The following HEATR5A variants were observed in gnomAD, a reference collection of about 807,000 sequenced individuals.
HEATR5A encodes the protein HEAT repeat-containing protein 5A.
In HEATR5A, 178 loss-of-function variants were observed where a neutral mutation model predicts 218.8. That is an observed-to-expected ratio of 0.81 (90% CI 0.72 to 0.92). HEATR5A has a LOEUF of 0.92. Among genes scored for constraint, HEATR5A ranks in the 40% least tolerant of loss-of-function variants. The probability of loss-of-function intolerance (pLI) is 0.00; values close to 1 mark genes in which losing one functional copy is unlikely to be tolerated. For synonymous variants in HEATR5A, 864 were observed against 871.6 expected (o/e 0.99, Z 0.15); for missense variants, 2,420 against 2,418.9 (o/e 1.00, Z -0.01).
intron 1 of HEATR5A, among the ~76,000 whole-genome samples, chr14:31,408,140 T>C (rs11626263): frequency 0.95 from 144,984 of 152,268 alleles, 69,378 homozygotes; most frequent in Non-Finnish European, 1. Flanking sequence ...TCAGTCATCA[T>C]TTTCATACCA....
rs748267580 is a variant in HEATR5A, at chr14:31,293,464, AAC to A, written c.5980_5981del (p.Val1994PhefsTer2). The A allele has an allele frequency of 2.5e-6, 4 of 1,614,022 alleles. No homozygotes were observed. The Admixed American group carries it at 6.7e-5, about 27-fold the overall frequency. On this transcript the variant is annotated frameshift_variant, in exon 36 of 36. Transcript: ENST00000543095. LOFTEE classifies it high-confidence loss of function. ...LMQIGPQYSS[V>X]FKSLVASSPA... ...GAGAAGAAGCCACTAAACTTTTAAA[AAC>A]AGATGAATACTGAGGTCCAATTTGC...
In HEATR5A at chr14:31,326,301, T is replaced by A; in HGVS notation, c.3409A>T (p.Ile1137Phe). ...TCATCTGTCTCCTTGTCTAGTAAGA[T>A]CAACAATGCCCCCTCAAGGCCAACT... ...REVGLEGALL[I>F]LLDKETDERL... is the part of the protein sequence containing the mutation. The change falls in exon 23 of 36, where the codon ATC (isoleucine) becomes TTC (phenylalanine). Residue 1137 changes from isoleucine (I) to phenylalanine (F), a missense_variant. Ile to Phe is a conservative substitution (Grantham distance 21, BLOSUM62 0). Coordinates refer to ENST00000543095, the MANE Select transcript of HEATR5A (RefSeq NM_015473.4). 1 of 1,613,404 alleles carries A rather than the reference T, an allele frequency of 6.2e-7. No individual in the cohort carries two copies. Among genetic ancestry groups the A allele is most frequent in the Non-Finnish European group, 8.5e-7 (1 of 1,179,604 alleles).
chr14:31,380,919 C>CA (rs943168295), intron 10 of HEATR5A, among the ~76,000 whole-genome samples: 3 of 152,054 alleles, frequency 2.0e-5, no homozygotes, highest in African/African-American at 7.2e-5. Context: ...CATAATTATC[C>CA]AAAAAAAGTT....
intron 28 of HEATR5A, among the ~76,000 whole-genome samples, chr14:31,311,769 T>C (rs1899763035): frequency 6.6e-6 from 1 of 152,224 alleles, no homozygotes; most frequent in Non-Finnish European, 1.5e-5. Flanking sequence ...GGATATAATT[T>C]TAATTTCCTC....
rs2030759044 is a variant in HEATR5A at position 31,398,856 on chromosome 14, A to G, written c.339-75T>C. ...TAAAAAGATCTTAGGATATGTAAGGATAACTGTTGAAAAATATCCCCCATT... is the reference window on the plus strand; with the variant it reads ...TAAAAAGATCTTAGGATATGTAAGGGTAACTGTTGAAAAATATCCCCCATT... On this transcript the variant is annotated intron_variant, in intron 3 of 35. Transcript: ENST00000543095. 5 of 806,044 alleles carry G rather than the reference A, an allele frequency of 6.2e-6. No individual in the cohort carries two copies. In the South Asian group the frequency reaches 6.4e-5, roughly 10 times the overall value. The allele number at this position is 806,044 out of a possible 1,614,324, so 49.9% of individuals were successfully genotyped here.
chr14:31,361,216 A>C (rs1901604860), intron 14 of HEATR5A, among the ~76,000 whole-genome samples: 1 of 152,208 alleles, frequency 6.6e-6, no homozygotes, highest in Admixed American at 6.6e-5. Context: ...TATGCTACAG[A>C]GAAAAATTTT....
intron 16 of HEATR5A, among the ~76,000 whole-genome samples, chr14:31,354,583 T>C (rs1393767790): frequency 6.6e-6 from 1 of 152,184 alleles, no homozygotes; most frequent in Non-Finnish European, 1.5e-5. Context: ...TTAGTACTCA[T>C]AAGTAGTATC....
At chr14:31,399,884 G>A (rs552253753) in intron 3 of HEATR5A, among the ~76,000 whole-genome samples, 100 of 152,238 alleles carry the variant, frequency 6.6e-4, no homozygotes, top group African/African-American at 2.3e-3. Context: ...AAGATAATAG[G>A]TGATAAAATG....
intron 4 of HEATR5A, among the ~76,000 whole-genome samples, chr14:31,395,778 G>A (rs2030630365): frequency 6.6e-6 from 1 of 152,108 alleles, no homozygotes; most frequent in Non-Finnish European, 1.5e-5. Context: ...AGGAATAAAT[G>A]AGTCATACAC....
chr14:31,295,667 C>G (rs1899167888), intron 34 of HEATR5A: 1 of 307,594 alleles, frequency 3.3e-6, no homozygotes, highest in Admixed American at 4.6e-5. Flanking sequence ...TAAGATTCCT[C>G]CACTTCAAAT....
In HEATR5A at chr14:31,293,812, CTGAT is replaced by C. The variant is rs554660891; in HGVS notation, c.5833+75_5833+78del. 1.5e-3 allele frequency: 1,858 copies of C among 1,216,996 alleles called. 14 individuals carry two copies. The highest frequency in any genetic ancestry group is 7.6e-4 in the Middle Eastern group (4 of 5,286). The allele number at this position is 1,216,996 out of a possible 1,614,324, so 75.4% of individuals were successfully genotyped here. A position where few individuals can be genotyped will look rare whatever the true frequency, so the allele number is the denominator to read the frequency against. On this transcript the variant is annotated intron_variant, in intron 35 of 35. Coordinates refer to ENST00000543095, the MANE Select transcript of HEATR5A (RefSeq NM_015473.4). ...AATGTGAAATACAGATATAATGTGACTGATTGTTTTGCAATTTAAATAACAGTAA... is the reference window on the plus strand; with the variant it reads ...AATGTGAAATACAGATATAATGTGACTGTTTTGCAATTTAAATAACAGTAA...
At chr14:31,377,887 A>C (rs1278079541) in intron 11 of HEATR5A, among the ~76,000 whole-genome samples, 1 of 152,248 alleles carries the variant, frequency 6.6e-6, no homozygotes, top group Non-Finnish European at 1.5e-5. Context: ...ACAAAACCTT[A>C]ATTAAAACTT....
chr14:31,312,988 G>A lies in HEATR5A; in HGVS notation c.4421C>T (p.Ala1474Val). The change falls in exon 28 of 36, where the codon GCC becomes GTC. Residue 1474 changes from alanine to valine, a missense_variant. Ala to Val is a moderately conservative substitution (Grantham distance 64, BLOSUM62 0). Transcript: ENST00000543095. ...FALLTLPSEFASQLPAEGGAF... is the reference protein window; with the variant it reads ...FALLTLPSEFVSQLPAEGGAF... ...CTTACCTTCAGCAGGAAGTTGGGAG[G>A]CAAATTCTGAAGGCAAAGTTAAAAG... The A allele has an allele frequency of 1.2e-6, 2 of 1,613,004 alleles. No individual in the cohort carries two copies. Among genetic ancestry groups the A allele is most frequent in the Non-Finnish European group, 1.7e-6 (2 of 1,179,054 alleles).
chr14:31,350,019 T>C lies in HEATR5A; in HGVS notation c.2518-40A>G, dbSNP rs117967411. ...GAACAACCCAAACTTACAATTGTAGTAAATTCTCATATCCAGTTAGGAATG... is the reference window on the plus strand; with the variant it reads ...GAACAACCCAAACTTACAATTGTAGCAAATTCTCATATCCAGTTAGGAATG... On this transcript the variant is annotated intron_variant, in intron 17 of 35. Transcript: ENST00000543095. 2,291 of 1,323,794 alleles carry C rather than the reference T, an allele frequency of 1.7e-3. 8 individuals are homozygous for C. The highest frequency in any genetic ancestry group is 9.4e-3 in the South Asian group (595 of 63,264). 82.0% of individuals were successfully genotyped at this position (1,323,794 alleles called of 1,614,324 possible).
At chr14:31,315,238 A>G (rs1899877435) in intron 27 of HEATR5A, among the ~76,000 whole-genome samples, 1 of 152,198 alleles carries the variant, frequency 6.6e-6, no homozygotes, top group Admixed American at 6.5e-5. Context: ...GGTGATGGGT[A>G]TATGTAGATT....
chr14:31,297,865 A>T (rs1254714044), intron 33 of HEATR5A: 1 of 152,224 alleles, frequency 6.6e-6, no homozygotes, highest in Non-Finnish European at 1.5e-5. Context: ...GCTTGATTAC[A>T]GAGAGTGTAC....
Position 31,389,008 on chromosome 14 carries a change from A to C in HEATR5A, c.773-3T>G, listed in dbSNP as rs751249991. The C allele has an allele frequency of 2.5e-6, 4 of 1,601,082 alleles. No individual in the cohort carries two copies. Among genetic ancestry groups the C allele is most frequent in the Non-Finnish European group, 3.4e-6 (4 of 1,173,122 alleles). ...GCGAATGCTTTGACGTGAGGCTGCT[A>C]TGACAAAGAACAAAACTGTGATTCA... On this transcript the variant is annotated splice_polypyrimidine_tract_variant and splice_region_variant and intron_variant, in intron 6 of 35. Coordinates refer to ENST00000543095, the MANE Select transcript of HEATR5A (RefSeq NM_015473.4).
intron 16 of HEATR5A, among the ~76,000 whole-genome samples, chr14:31,354,343 G>A (rs1038495559): frequency 2.0e-5 from 3 of 152,108 alleles, no homozygotes; most frequent in African/African-American, 7.2e-5. Context: ...ACTATAAGTT[G>A]ACCTATACAA....
chr14:31,399,888 T>C (rs570416973), intron 3 of HEATR5A, among the ~76,000 whole-genome samples: 1 of 152,296 alleles, frequency 6.6e-6, no homozygotes, highest in Admixed American at 6.5e-5. Context: ...TAATAGGTGA[T>C]AAAATGAACT....
Sources: allele counts gnomAD v4.1 joint callset (sites outside exome capture counted in the v4.1 genomes callset), GRCh38; gene constraint gnomAD v4.1.1; transcripts MANE v1.5; gene names NCBI Gene and HGNC (gene_info 2026-07-23, HGNC 2026-07-21).